Variants in BIN1 observed in about 807,000 individuals in gnomAD.
The protein encoded by BIN1 is bridging integrator 1, also known as myc box-dependent-interacting protein 1.
Under a neutral mutation model 82.0 loss-of-function variants are expected in BIN1, and 53 were observed. The observed-to-expected ratio is 0.65, with a 90% confidence interval of 0.52 to 0.81. BIN1 has a LOEUF of 0.81. Among genes scored for constraint, BIN1 ranks in the 40% least tolerant of loss-of-function variants. BIN1 has a pLI of 0.00. For missense variants in BIN1, 642 were observed against 784.4 expected (o/e 0.82, Z 2.17); for synonymous variants, 302 against 328.0 (o/e 0.92, Z 0.86).
rs965561469 is a variant in BIN1, at chr2:127,057,529, G to C, written c.1075C>G (p.Leu359Val). ...PSKEVKQEQI[L>V]SLFEDTFVPE... ...ACAAACGTGTCCTCAAACAGGCTGA[G>C]GATCTGCTCCTGCTTGACTTCCTTG... The change falls in exon 12 of 19, where the codon CTC (leucine) becomes GTC (valine). Residue 359 changes from leucine (L) to valine (V), a missense_variant. Coordinates refer to ENST00000316724, the MANE Select transcript of BIN1 (RefSeq NM_139343.3). The surrounding 1 kb of genome is among the most constrained non-coding windows in gnomAD (Gnocchi z 5.0). 2 of 1,546,874 alleles carry C rather than the reference G, an allele frequency of 1.3e-6. No individual in the cohort carries two copies. The highest frequency in any genetic ancestry group is 2.7e-5 in the African/African-American group (2 of 73,004).
At chr2:127,077,433 G>A (rs1209183528) in intron 1 of BIN1, among the ~76,000 whole-genome samples, 2 of 152,130 alleles carry the variant, frequency 1.3e-5, no homozygotes, top group Non-Finnish European at 1.5e-5. Context: ...ATGAGTGGCA[G>A]GGGGAGATGA....
At chr2:127,101,571 G>C (rs1292153303) in intron 1 of BIN1, among the ~76,000 whole-genome samples, 1 of 152,188 alleles carries the variant, frequency 6.6e-6, no homozygotes, top group Non-Finnish European at 1.5e-5. Flanking sequence ...GCAGGGGCTT[G>C]GTTCTGCTGA....
At position 127,059,217 on chromosome 2, in the gene BIN1, G is replaced by A; in HGVS notation, c.858-62C>T. The A allele has an allele frequency of 7.2e-6, 11 of 1,534,522 alleles. No individual in the cohort carries two copies. The highest frequency in any genetic ancestry group is 9.7e-6 in the Non-Finnish European group (11 of 1,137,752). Reference sequence around the variant, plus strand: ...GGGGCCAAGGCACAGGAGACGGAGGGGCAAATGTATTGACGTCTGTGTGAA... The same window carrying A: ...GGGGCCAAGGCACAGGAGACGGAGGAGCAAATGTATTGACGTCTGTGTGAA... On this transcript the variant is annotated intron_variant, in intron 10 of 18. Coordinates refer to ENST00000316724, the MANE Select transcript of BIN1 (RefSeq NM_139343.3). This position sits in a 1 kb window ranked among gnomAD's most constrained non-coding sequence, Gnocchi z 6.7.
At chr2:127,060,166 GA>G (rs917142957) in intron 10 of BIN1, among the ~76,000 whole-genome samples, 1 of 152,120 alleles carries the variant, frequency 6.6e-6, no homozygotes, top group African/African-American at 2.4e-5. Flanking sequence ...TTTCCTTCTG[GA>G]ATTTGTGTTT....
intron 7 of BIN1, among the ~76,000 whole-genome samples, chr2:127,066,354 C>T (rs1273734324): frequency 2.0e-5 from 3 of 152,224 alleles, no homozygotes; most frequent in Non-Finnish European, 2.9e-5. Flanking sequence ...CTCACCCTCT[C>T]GCTGCTCCCC....
intron 1 of BIN1, 116 bp downstream of exon 1, chr2:127,106,744 G>T: frequency 7.6e-7 from 1 of 1,319,960 alleles, no homozygotes; most frequent in Non-Finnish European, 1.0e-6. Context: ...CTCTAGAGGT[G>T]ACAGCACCAG....
At chr2:127,084,038 A>G (rs1182739296) in intron 1 of BIN1, among the ~76,000 whole-genome samples, 1 of 152,154 alleles carries the variant, frequency 6.6e-6, no homozygotes, top group Non-Finnish European at 1.5e-5. Context: ...GCAAGGCAAA[A>G]AGTTGTTGAA....
chr2:127,066,914 C>T (rs1393567070), intron 7 of BIN1, among the ~76,000 whole-genome samples: 1 of 152,018 alleles, frequency 6.6e-6, no homozygotes, highest in African/African-American at 2.4e-5. Context: ...CTACAAAAAA[C>T]GTAAAGATTA....
intron 1 of BIN1, among the ~76,000 whole-genome samples, chr2:127,083,940 C>T (rs894608223): frequency 3.3e-5 from 5 of 152,302 alleles, no homozygotes; most frequent in Admixed American, 3.3e-4. Flanking sequence ...TAGGCTTGAC[C>T]GCCGGGTCTG....
Position 127,050,134 on chromosome 2 carries a change from T to C in BIN1, c.1674+287A>G, listed in dbSNP as rs567071677. On this transcript the variant is annotated intron_variant, in intron 18 of 18. Transcript: ENST00000316724. ...AGACAGAGGCAGAGCTGAGAGCGCCTGAGCAAAGGGGGGACGTGGGGAGAA... is the reference window on the plus strand; with the variant it reads ...AGACAGAGGCAGAGCTGAGAGCGCCCGAGCAAAGGGGGGACGTGGGGAGAA... Among the ~76,000 whole-genome samples the C allele has an allele frequency of 7.3e-5, 11 of 151,578 alleles. No homozygotes were observed. The South Asian group carries it at 1.7e-3, about 23-fold the overall frequency.
chr2:127,104,695 G>T (rs1426409618), intron 1 of BIN1, among the ~76,000 whole-genome samples: 3 of 152,188 alleles, frequency 2.0e-5, no homozygotes, highest in African/African-American at 7.2e-5. Context: ...AGGCGGCACT[G>T]ATCACCAACA....
chr2:127,070,424 C>T (rs1027246740), intron 4 of BIN1, 129 bp downstream of exon 4: 8 of 1,156,560 alleles, frequency 6.9e-6, no homozygotes, highest in Non-Finnish European at 1.0e-5. Flanking sequence ...GGGCAGCTTG[C>T]CCCAGGGCAC....
intron 18 of BIN1, 96 bp downstream of exon 18, chr2:127,050,325 C>T: frequency 7.3e-7 from 1 of 1,367,178 alleles, no homozygotes; most frequent in Non-Finnish European, 1.0e-6. Flanking sequence ...CGGGCCTCTG[C>T]TGCCCCCTGC....
intron 10 of BIN1, chr2:127,060,590 C>A (rs367893506): frequency 2.5e-6 from 4 of 1,614,032 alleles, no homozygotes; most frequent in Non-Finnish European, 3.4e-6. Flanking sequence ...CACTCACTGC[C>A]GGTACCTGTT....
intron 1 of BIN1, among the ~76,000 whole-genome samples, chr2:127,096,311 T>A (rs2105310426): frequency 6.6e-6 from 1 of 152,288 alleles, no homozygotes; most frequent in East Asian, 1.9e-4. Flanking sequence ...AAGTTCACTT[T>A]CAAGAAACCT....
chr2:127,101,418 C>T (rs1431486574), intron 1 of BIN1, among the ~76,000 whole-genome samples: 1 of 152,154 alleles, frequency 6.6e-6, no homozygotes, highest in Non-Finnish European at 1.5e-5. Context: ...AATCCTCAAC[C>T]TAGCACACTC....
chr2:127,107,116 G>T lies in BIN1; in HGVS notation c.-173C>A, dbSNP rs1681267537. 1 of 636,826 alleles carries T rather than the reference G, an allele frequency of 1.6e-6. No individual in the cohort carries two copies. The allele number at this position is 636,826 out of a possible 1,614,324, so 39.4% of individuals were successfully genotyped here. On this transcript the variant is annotated 5_prime_UTR_variant, in exon 1 of 19. Coordinates refer to ENST00000316724, the MANE Select transcript of BIN1 (RefSeq NM_139343.3). The surrounding 1 kb of genome is among the most constrained non-coding windows in gnomAD (Gnocchi z 5.9). Reference sequence around the variant, plus strand: ...CGGAGCGTGCGCCGGACGGGCGAGCGAGCCAGCGAGCTAGCCAGCGAGCGA... The same window carrying T: ...CGGAGCGTGCGCCGGACGGGCGAGCTAGCCAGCGAGCTAGCCAGCGAGCGA...
In BIN1 at chr2:127,057,698, C is replaced by A. The variant is rs1203530722; in HGVS notation, c.1003-97G>T. ...AGAGACAAAGCCACGGTTAGTCACA[C>A]CTCAGGCCACAGTCCCACCCAGGCC... On this transcript the variant is annotated intron_variant, in intron 11 of 18. Coordinates refer to ENST00000316724, the MANE Select transcript of BIN1 (RefSeq NM_139343.3). The surrounding 1 kb of genome is among the most constrained non-coding windows in gnomAD (Gnocchi z 5.0). The A allele has an allele frequency of 7.2e-7, 1 of 1,393,148 alleles. No individual in the cohort carries two copies. Among genetic ancestry groups the A allele is most frequent in the African/African-American group, 1.5e-5 (1 of 68,934 alleles). 86.3% of individuals were successfully genotyped at this position (1,393,148 alleles called of 1,614,324 possible). A position where few individuals can be genotyped will look rare whatever the true frequency, so the allele number is the denominator to read the frequency against.
Position 127,057,628 on chromosome 2 carries a change from C to T in BIN1, c.1003-27G>A. 4 of 1,496,162 alleles carry T rather than the reference C, an allele frequency of 2.7e-6. No homozygotes were observed. Among genetic ancestry groups the T allele is most frequent in the Non-Finnish European group, 3.6e-6 (4 of 1,115,526 alleles). 92.7% of individuals were successfully genotyped at this position (1,496,162 alleles called of 1,614,324 possible). On this transcript the variant is annotated intron_variant, in intron 11 of 18. Transcript: ENST00000316724. The surrounding 1 kb of genome is among the most constrained non-coding windows in gnomAD (Gnocchi z 5.0). The stretch of plus-strand genomic sequence containing the variant: ...TGTGGGTCGGCGGCGGGTGAGGGGC[C>T]GCGCGGGAAGGCACAGCAGAGCACG...
Sources: allele counts gnomAD v4.1 joint callset (sites outside exome capture counted in the v4.1 genomes callset), GRCh38; gene constraint gnomAD v4.1.1; non-coding constraint Gnocchi (gnomAD v3.1); transcripts MANE v1.5; gene names NCBI Gene and HGNC (gene_info 2026-07-23, HGNC 2026-07-21).